Variants in DCP1A observed in about 807,000 individuals in gnomAD.
The protein encoded by DCP1A is mRNA-decapping enzyme 1A.
A neutral mutation model predicts 58.0 loss-of-function variants in DCP1A; 20 were observed. The ratio of observed to expected loss-of-function variants is 0.34; its 90% confidence interval spans 0.24 to 0.50. DCP1A has a LOEUF of 0.50. DCP1A is among the 20% of genes least tolerant of loss of function. The pLI, the probability that DCP1A is intolerant of heterozygous loss-of-function variation, is 0.98. For synonymous variants in DCP1A, 285 were observed against 275.1 expected, an observed-to-expected ratio of 1.04 and a Z score of -0.36; for missense variants, 613 against 712.2, an observed-to-expected ratio of 0.86 and a Z score of 1.59.
At chr3:53,313,925 G>C (rs544169670) in intron 4 of DCP1A, among the ~76,000 whole-genome samples, 4 of 152,086 alleles carry the variant, frequency 2.6e-5, no homozygotes. Context: ...TGTAGAGATG[G>C]AGTTTGATAT....
At chr3:53,326,922 T>C (rs143027182) in intron 3 of DCP1A, among the ~76,000 whole-genome samples, 5 of 151,548 alleles carry the variant, frequency 3.3e-5, no homozygotes, top group African/African-American at 1.2e-4. Flanking sequence ...GCCAAAAAGG[T>C]TGGGGAATGC....
At chr3:53,290,142 T>TAA (rs541749838) in intron 8 of DCP1A, among the ~76,000 whole-genome samples, 5 of 150,800 alleles carry the variant, frequency 3.3e-5, no homozygotes, top group Non-Finnish European at 5.9e-5. Flanking sequence ...TTTAGGGAGC[T>TAA]AAAAAAAAAC....
At chr3:53,315,997 G>A (rs1454451705) in intron 4 of DCP1A, among the ~76,000 whole-genome samples, 5 of 151,904 alleles carry the variant, frequency 3.3e-5, no homozygotes, top group African/African-American at 1.2e-4. Context: ...CTCGTGATAC[G>A]CCTGTCTTGG....
intron 3 of DCP1A, among the ~76,000 whole-genome samples, chr3:53,323,753 T>C (rs1317466751): frequency 6.7e-6 from 1 of 150,212 alleles, no homozygotes. Flanking sequence ...TCCCAGCTAC[T>C]CGGGAGGCTA....
chr3:53,304,384 T>G lies in DCP1A; in HGVS notation c.511-94A>C, dbSNP rs1707405279. Reference sequence around the variant, plus strand: ...GCATCTGAGGTTATCAAAAATGTTATTTTTTAAAAAGAAGAAGAAAAACCA... The same window carrying G: ...GCATCTGAGGTTATCAAAAATGTTAGTTTTTAAAAAGAAGAAGAAAAACCA... On this transcript the variant is annotated intron_variant, in intron 5 of 9. Coordinates refer to ENST00000610213, the MANE Select transcript of DCP1A (RefSeq NM_018403.7). 5.9e-6 allele frequency: 5 copies of G among 852,288 alleles called. No individual in the cohort carries two copies. In the Admixed American group the frequency reaches 1.3e-4, roughly 23 times the overall value. 52.8% of individuals were successfully genotyped at this position (852,288 alleles called of 1,614,324 possible).
rs549323885 is a variant in DCP1A, at chr3:53,342,221, T to C, written c.227A>G (p.His76Arg). The C allele has an allele frequency of 4.7e-5, 76 of 1,604,476 alleles. No homozygotes were observed. In the Admixed American group the frequency reaches 7.1e-4, roughly 15 times the overall value. The change falls in exon 3 of 10, where the codon CAC (histidine) becomes CGC (arginine). Residue 76 changes from histidine to arginine, a missense_variant. Physicochemically the swap from His to Arg is conservative, Grantham distance 29. This residue lies in a region of DCP1A where 65 missense variants were observed against 118.5 expected (regional missense o/e 0.55). Transcript: ENST00000610213. The stretch of plus-strand genomic sequence containing the variant: ...TTTATTCACTGGTTCAACTAGATTG[T>C]GCATATTTAGTCGATTCACAATGGT... ...GFTIVNRLNMHNLVEPVNKDL... is the reference protein window; with the variant it reads ...GFTIVNRLNMRNLVEPVNKDL...
intron 5 of DCP1A, among the ~76,000 whole-genome samples, chr3:53,307,558 T>C (rs903141545): frequency 6.6e-5 from 10 of 152,198 alleles, no homozygotes; most frequent in Admixed American, 3.3e-4. Context: ...TATTGTTAGG[T>C]TGTACTTTAA....
intron 4 of DCP1A, among the ~76,000 whole-genome samples, chr3:53,312,993 A>C (rs1707696335): frequency 6.6e-6 from 1 of 152,184 alleles, no homozygotes; most frequent in South Asian, 2.1e-4. Context: ...AAGTATTTCA[A>C]AATCAGTCAA....
At chr3:53,335,117 GTATA>G (rs145672442) in intron 3 of DCP1A, among the ~76,000 whole-genome samples, 2 of 149,624 alleles carry the variant, frequency 1.3e-5, no homozygotes, top group Non-Finnish European at 3.0e-5. Context: ...ACGCGCATGT[GTATA>G]TATATATATT....
intron 6 of DCP1A, 144 bp downstream of exon 6, chr3:53,304,033 G>T (rs1553687673): frequency 6.6e-6 from 4 of 601,566 alleles, no homozygotes; most frequent in African/African-American, 3.7e-5. Flanking sequence ...CAGTTACTCG[G>T]ATCATGACCT....
At chr3:53,346,956 A>T (rs2089298896) in intron 1 of DCP1A, among the ~76,000 whole-genome samples, 1 of 151,224 alleles carries the variant, frequency 6.6e-6, no homozygotes, top group South Asian at 2.1e-4. Context: ...TACGTTTGCC[A>T]GGGGGAGAGG....
rs1369017588 is a variant in DCP1A at position 53,287,974 on chromosome 3, T to C, written c.1668+91A>G. ...CTGGCCTCCAGCTAGTCTTTTGAAT[T>C]TACTTTATGAACTGATTCTGTAAGA... On this transcript the variant is annotated intron_variant, in intron 9 of 9. Coordinates refer to ENST00000610213, the MANE Select transcript of DCP1A (RefSeq NM_018403.7). The C allele has an allele frequency of 3.1e-6, 4 of 1,301,548 alleles. No homozygotes were observed. The African/African-American group carries it at 4.5e-5, about 15-fold the overall frequency. 80.6% of individuals were successfully genotyped at this position (1,301,548 alleles called of 1,614,324 possible).
chr3:53,335,140 T>TTA lies in DCP1A; in HGVS notation c.304+7003_304+7004insTA, dbSNP rs566869620. ...GTGTATATATATATATTTTTTTTATTTTTATTTATTTATTTTTTGAGACAG... is the reference window on the plus strand; with the variant it reads ...GTGTATATATATATATTTTTTTTATTTATTTATTTATTTATTTTTTGAGACAG... On this transcript the variant is annotated intron_variant, in intron 3 of 9. Coordinates refer to ENST00000610213, the MANE Select transcript of DCP1A (RefSeq NM_018403.7). Among the ~76,000 whole-genome samples, 1,482 of 151,232 alleles carry TTA rather than the reference T, an allele frequency of 9.8e-3. 18 individuals are homozygous for TTA. The highest frequency in any genetic ancestry group is 0.033 in the African/African-American group (1,366 of 41,294).
At chr3:53,291,239 T>C (rs1706859372) in intron 7 of DCP1A, among the ~76,000 whole-genome samples, 1 of 112,034 alleles carries the variant, frequency 8.9e-6, no homozygotes, top group Non-Finnish European at 2.2e-5. Flanking sequence ...ATGAGGTATA[T>C]GAAATGTTTT....
chr3:53,285,796 G>C lies in DCP1A; in HGVS notation c.*1784C>G, dbSNP rs1553685046. On this transcript the variant is annotated 3_prime_UTR_variant, in exon 10 of 10. Coordinates refer to ENST00000610213, the MANE Select transcript of DCP1A (RefSeq NM_018403.7). ...CTTTATGGAAGTCACGTGGCTCCCT[G>C]GACACCATCTCCCGGTGTCAGCAAC... 6.6e-6 allele frequency: 1 copy of C among 152,014 alleles called. No homozygotes were observed. Among genetic ancestry groups the C allele is most frequent in the East Asian group, 1.9e-4 (1 of 5,190 alleles). 9.4% of individuals were successfully genotyped at this position (152,014 alleles called of 1,614,324 possible).
chr3:53,327,451 T>A (rs1553690713), intron 3 of DCP1A, among the ~76,000 whole-genome samples: 2 of 152,212 alleles, frequency 1.3e-5, no homozygotes, highest in African/African-American at 4.8e-5. Flanking sequence ...TGGTAATTTT[T>A]AAATGTTGGT....
intron 2 of DCP1A, among the ~76,000 whole-genome samples, chr3:53,343,773 A>T (rs564804546): frequency 4.6e-5 from 7 of 152,188 alleles, no homozygotes; most frequent in African/African-American, 1.7e-4. Context: ...CACCATGCCC[A>T]GCTAATTTTT....
At chr3:53,336,174 G>A (rs1239541982) in intron 3 of DCP1A, among the ~76,000 whole-genome samples, 3 of 152,108 alleles carry the variant, frequency 2.0e-5, no homozygotes, top group Non-Finnish European at 4.4e-5. Context: ...CATGATCTTG[G>A]CTCACTGCAA....
At chr3:53,300,769 T>C (rs1450836105) in intron 6 of DCP1A, among the ~76,000 whole-genome samples, 1 of 152,064 alleles carries the variant, frequency 6.6e-6, no homozygotes, top group Non-Finnish European at 1.5e-5. Flanking sequence ...CACTTTAGCC[T>C]CCTGAGTAGC....
Sources: gnomAD v4.1 joint callset for allele counts (sites outside exome capture counted in the v4.1 genomes callset) on GRCh38, gnomAD v4.1.1 for gene constraint, gnomAD v4.1.1 regional missense constraint, MANE v1.5 for transcripts, NCBI Gene and HGNC (gene_info 2026-07-23, HGNC 2026-07-21) for gene names.